The following NIBAN1 variants were observed in gnomAD, a reference collection of about 807,000 sequenced individuals.
NIBAN1 encodes protein Niban 1.
A neutral mutation model predicts 75.1 loss-of-function variants in NIBAN1; 81 were observed. The ratio of observed to expected loss-of-function variants is 1.08; its 90% CI spans 0.90 to 1.30. NIBAN1 has a LOEUF of 1.30. Ranked by LOEUF, NIBAN1 falls within the 50% of genes most tolerant of loss-of-function variation. The pLI is 0.00. For synonymous variants in NIBAN1, 436 were observed against 424.8 expected (o/e 1.03, Z -0.32); for missense variants, 1,133 against 1,128.1 (o/e 1.00, Z -0.06).
chr1:184,915,295 T>C (rs910018316), intron 1 of NIBAN1, among the ~76,000 whole-genome samples: 1 of 152,202 alleles, frequency 6.6e-6, no homozygotes, highest in East Asian at 1.9e-4. Context: ...ATTCTTACGA[T>C]GAGGCCAGTT....
intron 1 of NIBAN1, among the ~76,000 whole-genome samples, chr1:184,951,884 T>C (rs1658367224): frequency 6.6e-6 from 1 of 152,174 alleles, no homozygotes; most frequent in Non-Finnish European, 1.5e-5. Flanking sequence ...CAGTTCCCAT[T>C]GCTCATTCCT....
chr1:184,962,145 A>G (rs866431801), intron 1 of NIBAN1, among the ~76,000 whole-genome samples: 1 of 152,240 alleles, frequency 6.6e-6, no homozygotes, highest in South Asian at 2.1e-4. Flanking sequence ...GAGAAAAGAG[A>G]ATAGAATATA....
intron 5 of NIBAN1, among the ~76,000 whole-genome samples, chr1:184,861,649 A>AAAGG (rs904370100): frequency 5.5e-5 from 8 of 144,706 alleles, no homozygotes; most frequent in African/African-American, 1.8e-4. Context: ...AGGAGAAGGA[A>AAAGG]AAGGAAGGAA....
chr1:184,956,698 T>C (rs1363824281), intron 1 of NIBAN1, among the ~76,000 whole-genome samples: 2 of 152,234 alleles, frequency 1.3e-5, no homozygotes, highest in African/African-American at 2.4e-5. Flanking sequence ...AATTGGTTTC[T>C]TTTATCATCC....
chr1:184,812,584 C>G (rs544112083), intron 9 of NIBAN1, among the ~76,000 whole-genome samples: 57 of 152,272 alleles, frequency 3.7e-4, no homozygotes, highest in African/African-American at 1.3e-3. Context: ...TCCTTGGGAG[C>G]TTGACTTTGT....
intron 1 of NIBAN1, among the ~76,000 whole-genome samples, chr1:184,942,042 A>G (rs1431096945): frequency 6.6e-6 from 1 of 152,228 alleles, no homozygotes; most frequent in Non-Finnish European, 1.5e-5. Flanking sequence ...AATGCATAGT[A>G]TCATAATTGT....
chr1:184,795,815 T>C lies in NIBAN1; in HGVS notation c.1949A>G (p.Asp650Gly). 3.1e-6 allele frequency: 5 copies of C among 1,609,950 alleles called. No homozygotes were observed. Among genetic ancestry groups the C allele is most frequent in the Non-Finnish European group, 4.2e-6 (5 of 1,177,560 alleles). ...TGAAATAATCACCTGCTCAGTCCCA[T>C]CTGGGGGTGGGCTTGGCCCAGGGAG... ...LSLPGPSPPP[D>G]GTEQVIISRV... Residue 650 changes from aspartate to glycine, a missense_variant, in exon 14 of 14, where the codon GAT becomes GGT. Coordinates refer to ENST00000367511, the MANE Select transcript of NIBAN1 (RefSeq NM_052966.4).
At chr1:184,862,119 A>C (rs1376880922) in intron 5 of NIBAN1, among the ~76,000 whole-genome samples, 1 of 152,198 alleles carries the variant, frequency 6.6e-6, no homozygotes, top group Non-Finnish European at 1.5e-5. Flanking sequence ...GCCAAAGTAC[A>C]TATTAGAAAA....
In NIBAN1 at chr1:184,894,071, T is replaced by C; in HGVS notation, c.318+4A>G. ...GAATCAGTAGTAACAAAGAAGTGTC[T>C]TACCTCTTTATTCTCATAGCTCTCC... On this transcript the variant is annotated splice_donor_region_variant and intron_variant, in intron 3 of 13. Coordinates refer to ENST00000367511, the MANE Select transcript of NIBAN1 (RefSeq NM_052966.4). 2 of 1,597,636 alleles carry C rather than the reference T, an allele frequency of 1.3e-6. No homozygotes were observed. The highest frequency in any genetic ancestry group is 1.7e-6 in the Non-Finnish European group (2 of 1,174,050).
intron 1 of NIBAN1, among the ~76,000 whole-genome samples, chr1:184,922,307 C>G (rs568493550): frequency 2.1e-4 from 32 of 152,194 alleles, no homozygotes; most frequent in African/African-American, 7.5e-4. Context: ...TGACTGTAGT[C>G]TCCCTGTTAT....
At chr1:184,876,197 G>C (rs1386717038) in intron 5 of NIBAN1, among the ~76,000 whole-genome samples, 2 of 151,086 alleles carry the variant, frequency 1.3e-5, no homozygotes, top group South Asian at 2.1e-4. Context: ...AAAGAAAAGA[G>C]GAAGTTGATA....
intron 4 of NIBAN1, among the ~76,000 whole-genome samples, chr1:184,885,473 C>A (rs1018181976): frequency 1.3e-5 from 2 of 152,188 alleles, no homozygotes; most frequent in Non-Finnish European, 2.9e-5. Context: ...CCGCGCCCAG[C>A]CTGGGCACAA....
chr1:184,960,879 C>T (rs1026421958), intron 1 of NIBAN1, among the ~76,000 whole-genome samples: 11 of 151,970 alleles, frequency 7.2e-5, no homozygotes, highest in Non-Finnish European at 1.6e-4. Context: ...ATCCACCTGC[C>T]TCGGACTCCC....
chr1:184,920,951 G>A (rs1048197130), intron 1 of NIBAN1, among the ~76,000 whole-genome samples: 1 of 152,098 alleles, frequency 6.6e-6, no homozygotes, highest in Non-Finnish European at 1.5e-5. Flanking sequence ...CCAGCATGGT[G>A]AAACCCCGTC....
At chr1:184,816,858 G>A (rs904046125) in intron 9 of NIBAN1, among the ~76,000 whole-genome samples, 5 of 150,656 alleles carry the variant, frequency 3.3e-5, no homozygotes, top group African/African-American at 1.2e-4. Flanking sequence ...CCAAAAGGGG[G>A]GAATTATTAT....
intron 5 of NIBAN1, among the ~76,000 whole-genome samples, chr1:184,861,532 G>A (rs1236443277): frequency 6.7e-6 from 1 of 150,318 alleles, no homozygotes; most frequent in East Asian, 1.9e-4. Context: ...AGAGGAGGGA[G>A]GAAGGGAGGA....
chr1:184,971,265 A>G (rs1205839147), intron 1 of NIBAN1, among the ~76,000 whole-genome samples: 1 of 152,162 alleles, frequency 6.6e-6, no homozygotes, highest in Non-Finnish European at 1.5e-5. Context: ...TAACAGAGTG[A>G]GACCCTATCT....
At chr1:184,876,415 G>A (rs1656234851) in intron 5 of NIBAN1, among the ~76,000 whole-genome samples, 1 of 150,056 alleles carries the variant, frequency 6.7e-6, no homozygotes, top group Non-Finnish European at 1.5e-5. Flanking sequence ...GGAAAAACTG[G>A]GGCCGGGCAT....
intron 1 of NIBAN1, among the ~76,000 whole-genome samples, chr1:184,907,991 T>C (rs574252524): frequency 6.6e-6 from 1 of 152,300 alleles, no homozygotes; most frequent in East Asian, 1.9e-4. Context: ...CAAGAGCTTA[T>C]ATGAAATATA....
Sources: gnomAD v4.1 joint callset for allele counts (sites outside exome capture counted in the v4.1 genomes callset) on GRCh38, gnomAD v4.1.1 for gene constraint, MANE v1.5 for transcripts, NCBI Gene and HGNC (gene_info 2026-07-23, HGNC 2026-07-21) for gene names.